The following APPBP2 variants were observed in gnomAD, a reference collection of about 807,000 sequenced individuals.
The protein encoded by APPBP2 is amyloid protein-binding protein 2.
Under a neutral mutation model 76.0 loss-of-function variants are expected in APPBP2, and 15 were observed. That is an observed-to-expected ratio of 0.20 (90% CI 0.13 to 0.30). APPBP2 has a LOEUF of 0.30. APPBP2 is among the 10% of genes least tolerant of loss of function. The pLI, the probability that APPBP2 is intolerant of heterozygous loss-of-function variation, is 1.00. For missense variants in APPBP2, 401 were observed against 687.2 expected, an observed-to-expected ratio of 0.58 and a Z score of 4.66; for synonymous variants, 222 against 242.2, an observed-to-expected ratio of 0.92 and a Z score of 0.77.
chr17:60,472,714 G>T (rs1038279853), intron 4 of APPBP2, among the ~76,000 whole-genome samples: 2 of 152,184 alleles, frequency 1.3e-5, no homozygotes, highest in Admixed American at 6.5e-5. Context: ...GGTACACAAA[G>T]AATTAGCAGA....
intron 3 of APPBP2, among the ~76,000 whole-genome samples, chr17:60,479,825 C>T (rs1408240891): frequency 3.3e-5 from 5 of 152,138 alleles, no homozygotes; most frequent in Non-Finnish European, 7.3e-5. Flanking sequence ...GTTACTACAC[C>T]ATGTAAAACA....
intron 5 of APPBP2, among the ~76,000 whole-genome samples, chr17:60,464,401 T>C (rs1323736226): frequency 6.6e-6 from 1 of 152,246 alleles, no homozygotes; most frequent in African/African-American, 2.4e-5. Flanking sequence ...TACTGTTCCC[T>C]CTGCCTTAAA....
intron 3 of APPBP2, among the ~76,000 whole-genome samples, chr17:60,488,012 G>A (rs139190997): frequency 0.01 from 1,550 of 152,326 alleles, 19 homozygotes; most frequent in African/African-American, 0.034. Flanking sequence ...TACTTGCTGG[G>A]GTATCACCAG....
intron 2 of APPBP2, among the ~76,000 whole-genome samples, chr17:60,494,984 GTTTT>G (rs60043373): frequency 1.9e-5 from 2 of 107,078 alleles, no homozygotes; most frequent in South Asian, 2.8e-4. Context: ...GTTTTGTTTT[GTTTT>G]TTTTTTTTTT....
chr17:60,453,804 G>A (rs1412472950), intron 11 of APPBP2, among the ~76,000 whole-genome samples: 1 of 152,098 alleles, frequency 6.6e-6, no homozygotes, highest in Non-Finnish European at 1.5e-5. Flanking sequence ...CTCCAGTGCT[G>A]GGATTACAGG....
At chr17:60,510,076 A>T (rs2090899853) in intron 1 of APPBP2, among the ~76,000 whole-genome samples, 1 of 150,938 alleles carries the variant, frequency 6.6e-6, no homozygotes, top group South Asian at 2.1e-4. Flanking sequence ...ATCGTCACTT[A>T]CATGATTCAT....
chr17:60,495,430 T>TA (rs2090766573), intron 2 of APPBP2, among the ~76,000 whole-genome samples: 2 of 123,604 alleles, frequency 1.6e-5, no homozygotes, highest in African/African-American at 8.7e-5. Context: ...AAAAATATTT[T>TA]ATTTATTTAT....
intron 12 of APPBP2, among the ~76,000 whole-genome samples, chr17:60,448,916 G>A (rs533197286): frequency 6.6e-6 from 1 of 152,212 alleles, no homozygotes; most frequent in Non-Finnish European, 1.5e-5. Flanking sequence ...ATTACAGTAC[G>A]TTAATATTTC....
intron 10 of APPBP2, among the ~76,000 whole-genome samples, chr17:60,455,296 T>C (rs2090423685): frequency 6.6e-6 from 1 of 152,178 alleles, no homozygotes. Context: ...AAGTCTAAAA[T>C]AATATTCACC....
chr17:60,500,593 T>C (rs1302953352), intron 1 of APPBP2, 106 bp from the exon 2 acceptor site: 2 of 799,388 alleles, frequency 2.5e-6, no homozygotes, highest in Non-Finnish European at 4.1e-6. Context: ...AAGATGCTTA[T>C]GTTAAGAGAA....
At chr17:60,501,244 G>A (rs2143455389) in intron 1 of APPBP2, among the ~76,000 whole-genome samples, 1 of 151,924 alleles carries the variant, frequency 6.6e-6, no homozygotes, top group African/African-American at 2.4e-5. Context: ...CCCAGGAGTT[G>A]GAGACCAGCC....
rs995128322 is a variant in APPBP2, at chr17:60,443,745, A to C, written c.*3836T>G. 5 of 152,694 alleles carry C rather than the reference A, an allele frequency of 3.3e-5. No homozygotes were observed. The highest frequency in any genetic ancestry group is 1.2e-4 in the African/African-American group (5 of 41,554). 9.5% of individuals were successfully genotyped at this position (152,694 alleles called of 1,614,324 possible). On this transcript the variant is annotated 3_prime_UTR_variant, in exon 13 of 13. Transcript: ENST00000083182. The stretch of plus-strand genomic sequence containing the variant: ...GGATATATTTTTAATCTTAAATTTT[A>C]CTCTTGAAAAACATGTGCACTTCAA...
intron 8 of APPBP2, chr17:60,461,227 T>C (rs2090473936): frequency 6.5e-6 from 1 of 153,486 alleles, no homozygotes; most frequent in African/African-American, 2.4e-5. Context: ...ATACAAAAAT[T>C]AGCCGGGCAT....
At chr17:60,491,827 A>G (rs1042116330) in intron 3 of APPBP2, among the ~76,000 whole-genome samples, 6 of 152,322 alleles carry the variant, frequency 3.9e-5, no homozygotes, top group African/African-American at 1.4e-4. Context: ...AGAAAAACTC[A>G]TTTTGTGAGA....
intron 6 of APPBP2, 43 bp downstream of exon 6, chr17:60,463,978 A>C: frequency 7.2e-7 from 1 of 1,394,340 alleles, no homozygotes; most frequent in Non-Finnish European, 9.9e-7. Context: ...TTAAAGCCTG[A>C]TAAATCCTAT....
chr17:60,516,374 T>C (rs1457563563), intron 1 of APPBP2, among the ~76,000 whole-genome samples: 1 of 152,084 alleles, frequency 6.6e-6, no homozygotes, highest in Admixed American at 6.6e-5. Flanking sequence ...TAATATGAAG[T>C]TTTTTGGATC....
Position 60,466,411 on chromosome 17 carries a change from T to C in APPBP2, c.552A>G (p.Glu184=). Residue 184 remains glutamate, a synonymous_variant, in exon 5 of 13, where the codon GAA becomes GAG. Transcript: ENST00000083182. The part of the protein sequence containing the change: ...NGNCKYHLGE[E]TFKLAQTYMD... ...TATATGTCTGAGCTAATTTAAATGT[T>C]TCTTCACCCAAATGATATTTGCAGT... 6.2e-7 allele frequency: 1 copy of C among 1,613,708 alleles called. No homozygotes were observed. Among genetic ancestry groups the C allele is most frequent in the Non-Finnish European group, 8.5e-7 (1 of 1,179,980 alleles).
chr17:60,494,617 T>C lies in APPBP2; in HGVS notation c.228A>G (p.Arg76=), dbSNP rs1265566714. ...CCTGAAAACAATGATGAAGCAAATG[T>C]CTGTAAGAAAAGAAAAAGATTATTT... is the stretch of plus-strand genomic sequence containing the variant. ...FAKVLRALDK[R]HLLHHCFQAL... is the part of the protein sequence containing the mutation. The change falls in exon 3 of 13, where the codon AGA becomes AGG. Residue 76 remains arginine, a splice_region_variant and synonymous_variant. Transcript: ENST00000083182. The C allele has an allele frequency of 2.5e-6, 4 of 1,574,422 alleles. No individual in the cohort carries two copies. The highest frequency in any genetic ancestry group is 3.4e-6 in the Non-Finnish European group (4 of 1,170,118).
chr17:60,478,959 T>C (rs1319127859), intron 4 of APPBP2, among the ~76,000 whole-genome samples, 189 bp downstream of exon 4: 1 of 152,200 alleles, frequency 6.6e-6, no homozygotes, highest in Non-Finnish European at 1.5e-5. Flanking sequence ...TACTCAAATC[T>C]AACCTAAGCT....
Sources: gnomAD v4.1 joint callset for allele counts (sites outside exome capture counted in the v4.1 genomes callset) on GRCh38, gnomAD v4.1.1 for gene constraint, MANE v1.5 for transcripts, NCBI Gene and HGNC (gene_info 2026-07-23, HGNC 2026-07-21) for gene names.